TAMM41: variants seen among roughly 807,000 people sequenced by gnomAD.
TAMM41 encodes the protein TAM41 mitochondrial translocator assembly and maintenance homolog.
TAMM41 carries 36 observed loss-of-function variants against 44.1 expected under a neutral mutation model. The observed-to-expected ratio is 0.82, with a 90% CI of 0.63 to 1.08. The LOEUF (loss-of-function observed/expected upper bound fraction) is 1.08, where lower values mean the gene tolerates loss of function less well. Among genes scored for constraint, TAMM41 ranks in the 50% least tolerant of loss-of-function variants. The probability of loss-of-function intolerance (pLI) is 0.00; values close to 1 mark genes in which losing one functional copy is unlikely to be tolerated. For missense variants in TAMM41, 417 were observed against 404.3 expected, an observed-to-expected ratio of 1.03 and a Z score of -0.27; for synonymous variants, 164 against 153.1, an observed-to-expected ratio of 1.07 and a Z score of -0.53.
chr3:11,751,288 C>T, the TAMM41 span, among the ~76,000 whole-genome samples: 1 of 151,980 alleles, frequency 6.6e-6, no homozygotes, highest in Non-Finnish European at 1.5e-5. Context: ...GATGGGGTTT[C>T]ACCATGTTGG....
At chr3:11,846,372 G>T in intron 1 of TAMM41, 130 bp downstream of exon 1, 2 of 1,082,036 alleles carry the variant, frequency 1.8e-6, no homozygotes, top group Non-Finnish European at 2.7e-6. Context: ...GCAGGCCTAT[G>T]GTTCACTCTG....
At chr3:11,798,742 T>A (rs897859643) in intron 7 of TAMM41, among the ~76,000 whole-genome samples, 2 of 152,102 alleles carry the variant, frequency 1.3e-5, no homozygotes, top group African/African-American at 4.8e-5. Flanking sequence ...GGCAAACCAG[T>A]CACTCGGTGC....
In TAMM41 at chr3:11,846,749, A is replaced by C. The variant is rs567156439; in HGVS notation, c.-113T>G. ...GAAATGGAAGTCGGAGACTGGATCG[A>C]GGGACACAAGGCTGAGTGTGGGGTG... On this transcript the variant is annotated 5_prime_UTR_variant, in exon 1 of 8. Transcript: ENST00000455809. 1.3e-4 allele frequency: 173 copies of C among 1,364,640 alleles called. No individual in the cohort carries two copies. The highest frequency in any genetic ancestry group is 1.7e-4 in the Non-Finnish European group (164 of 983,034). 84.5% of individuals were successfully genotyped at this position (1,364,640 alleles called of 1,614,324 possible). A position where few individuals can be genotyped will look rare whatever the true frequency, so the allele number is the denominator to read the frequency against.
chr3:11,823,038 T>G lies in TAMM41; in HGVS notation c.563-5701A>C, dbSNP rs116557722. Among the ~76,000 whole-genome samples the G allele has an allele frequency of 1.5e-3, 226 of 152,274 alleles. 1 individual carries two copies. The highest frequency in any genetic ancestry group is 5.2e-3 in the African/African-American group (215 of 41,562). On this transcript the variant is annotated intron_variant, in intron 4 of 7. Coordinates refer to ENST00000455809, the MANE Select transcript of TAMM41 (RefSeq NM_001284401.2). ...AATTTCTCCACATTCTCAACACTTG[T>G]TCTTGCCTTTCTTTTTTATCACAGC...
chr3:11,830,878 T>C (rs1267247042), intron 3 of TAMM41: 2 of 69,668 alleles, frequency 2.9e-5, no homozygotes, highest in Non-Finnish European at 4.9e-5. Flanking sequence ...TGAGACCCTG[T>C]CTCAAAAAAA....
intron 7 of TAMM41, among the ~76,000 whole-genome samples, chr3:11,794,344 C>A (rs1361896038): frequency 6.6e-6 from 1 of 151,906 alleles, no homozygotes; most frequent in African/African-American, 2.4e-5. Context: ...TGCTTTGTTG[C>A]CCAGGCTGGT....
chr3:11,766,859 G>A, the TAMM41 span, among the ~76,000 whole-genome samples: 2 of 152,066 alleles, frequency 1.3e-5, no homozygotes, highest in Non-Finnish European at 2.9e-5. Context: ...GTGAGCCACT[G>A]CATCCGACCT....
At chr3:11,729,538 CATTTTTTTTTTTTTTTTTTTT>C in the TAMM41 span, among the ~76,000 whole-genome samples, 7 of 65,540 alleles carry the variant, frequency 1.1e-4, no homozygotes, top group African/African-American at 1.6e-4. Flanking sequence ...TTCTTTCTTT[CATTTTTTTTTTTTTTTTTTTT>C]TTTTTTTTTT....
At chr3:11,761,661 C>G in the TAMM41 span, among the ~76,000 whole-genome samples, 3 of 152,010 alleles carry the variant, frequency 2.0e-5, no homozygotes, top group Non-Finnish European at 4.4e-5. Flanking sequence ...AGAGATCCTT[C>G]CCCTTCCGGG....
intron 4 of TAMM41, among the ~76,000 whole-genome samples, chr3:11,826,340 C>G (rs2078748098): frequency 6.6e-6 from 1 of 152,004 alleles, no homozygotes; most frequent in Admixed American, 6.6e-5. Flanking sequence ...TCGAGACCAG[C>G]AGAAGCACAC....
the TAMM41 span, among the ~76,000 whole-genome samples, chr3:11,750,041 C>T: frequency 0.14 from 21,749 of 151,414 alleles, 1,940 homozygotes; most frequent in Middle Eastern, 0.26. Flanking sequence ...GGACTACAGG[C>T]GCCTGCCACC....
At chr3:11,807,208 A>T in intron 7 of TAMM41, 9 of 1,414,210 alleles carry the variant, frequency 6.4e-6, no homozygotes, top group Non-Finnish European at 8.2e-6. Context: ...CAGGGAAGGA[A>T]AGGTGTACTC....
chr3:11,782,269 G>A, the TAMM41 span, among the ~76,000 whole-genome samples: 1 of 152,062 alleles, frequency 6.6e-6, no homozygotes, highest in Non-Finnish European at 1.5e-5. Context: ...AGTTGGGCTG[G>A]GTGTGGTGGC....
chr3:11,784,637 G>C, the TAMM41 span, among the ~76,000 whole-genome samples: 1 of 152,080 alleles, frequency 6.6e-6, no homozygotes, highest in Non-Finnish European at 1.5e-5. Flanking sequence ...GAGGAGAGTG[G>C]GTGGTGGTTA....
downstream of TAMM41, among the ~76,000 whole-genome samples, chr3:11,789,152 A>G (rs1336649141): frequency 6.6e-6 from 1 of 152,138 alleles, no homozygotes; most frequent in Admixed American, 6.5e-5. Flanking sequence ...AGACAGTGAA[A>G]CTATTCAGAG....
chr3:11,742,390 A>C, the TAMM41 span, among the ~76,000 whole-genome samples: 2 of 150,240 alleles, frequency 1.3e-5, no homozygotes, highest in Admixed American at 6.6e-5. Context: ...TTCCTTGAAG[A>C]TTCATCCCAG....
chr3:11,804,998 T>TCTGG (rs1316113591), intron 7 of TAMM41, among the ~76,000 whole-genome samples: 1 of 106,456 alleles, frequency 9.4e-6, no homozygotes, highest in African/African-American at 5.2e-5. Flanking sequence ...GCCCAGCCCT[T>TCTGG]TTTTTTTTTT....
At chr3:11,732,678 T>A in the TAMM41 span, among the ~76,000 whole-genome samples, 3 of 152,150 alleles carry the variant, frequency 2.0e-5, no homozygotes, top group South Asian at 4.1e-4. Context: ...AAGGAGGGCC[T>A]CTCTGAGGAG....
intron 4 of TAMM41, among the ~76,000 whole-genome samples, chr3:11,818,875 G>A (rs1181724246): frequency 6.8e-6 from 1 of 147,332 alleles, no homozygotes; most frequent in African/African-American, 2.6e-5. Flanking sequence ...TCCAGCCTGG[G>A]TGATGAAGCA....
Sources: allele counts gnomAD v4.1 joint callset (sites outside exome capture counted in the v4.1 genomes callset), GRCh38; gene constraint gnomAD v4.1.1; transcripts MANE v1.5; gene names NCBI Gene and HGNC (gene_info 2026-07-23, HGNC 2026-07-21).